ROBO2: variants seen among roughly 807,000 people sequenced by gnomAD.
ROBO2 encodes roundabout homolog 2.
A neutral mutation model predicts 160.8 loss-of-function variants in ROBO2; 53 were observed. That is an observed-to-expected ratio of 0.33 (90% CI 0.26 to 0.41). The LOEUF is 0.41. ROBO2 is among the 10% of genes least tolerant of loss of function. The pLI is 1.00. For synonymous variants in ROBO2, 664 were observed against 611.7 expected (o/e 1.09, Z -1.26); for missense variants, 1,577 against 1,722.4 (o/e 0.92, Z 1.49).
chr3:76,892,633 C>G (rs932293282), intron 2 of ROBO2, among the ~76,000 whole-genome samples: 1 of 152,150 alleles, frequency 6.6e-6, no homozygotes, highest in Non-Finnish European at 1.5e-5. Context: ...TCTTCATTTT[C>G]CCTACATATC....
intron 1 of ROBO2, among the ~76,000 whole-genome samples, chr3:75,926,586 G>A (rs997913915): frequency 3.3e-5 from 5 of 152,004 alleles, no homozygotes; most frequent in Non-Finnish European, 7.4e-5. Flanking sequence ...ATGTGCTCAG[G>A]TACACTTTCA....
chr3:76,406,376 A>G (rs1458428749), intron 2 of ROBO2, among the ~76,000 whole-genome samples: 1 of 151,882 alleles, frequency 6.6e-6, no homozygotes, highest in East Asian at 1.9e-4. Context: ...TGCCAACTCA[A>G]TTTGTAGCAA....
At chr3:76,411,160 T>C (rs997836295) in intron 2 of ROBO2, among the ~76,000 whole-genome samples, 1 of 152,070 alleles carries the variant, frequency 6.6e-6, no homozygotes. Context: ...AGAGCCAAAA[T>C]TATAAATAGC....
At chr3:77,053,401 G>A (rs531453902) in intron 1 of ROBO2, among the ~76,000 whole-genome samples, 1 of 152,030 alleles carries the variant, frequency 6.6e-6, no homozygotes, top group South Asian at 2.1e-4. Flanking sequence ...CATTCCAAAG[G>A]CTTTACTTTC....
chr3:76,328,908 T>TTATATATATATATATATATATA (rs201466987), intron 2 of ROBO2, among the ~76,000 whole-genome samples: 5 of 136,018 alleles, frequency 3.7e-5, no homozygotes, highest in African/African-American at 1.4e-4. Flanking sequence ...ATTTATGTTA[T>TTATATATATATATATATATATA]TATATATATA....
At chr3:76,154,366 A>G (rs2072322836) in intron 2 of ROBO2, among the ~76,000 whole-genome samples, 1 of 152,126 alleles carries the variant, frequency 6.6e-6, no homozygotes, top group African/African-American at 2.4e-5. Flanking sequence ...GAGTCAGTGA[A>G]AAATTCAGGG....
intron 2 of ROBO2, among the ~76,000 whole-genome samples, chr3:76,814,038 C>A (rs898052460): frequency 1.3e-5 from 2 of 152,014 alleles, no homozygotes; most frequent in African/African-American, 4.8e-5. Context: ...AAATAATATT[C>A]AATCTCATTA....
chr3:76,631,436 T>A (rs2090024418), intron 2 of ROBO2, among the ~76,000 whole-genome samples: 2 of 151,256 alleles, frequency 1.3e-5, no homozygotes, highest in East Asian at 1.9e-4. Flanking sequence ...AAAAAAAAAG[T>A]AAGTATTTTG....
intron 2 of ROBO2, among the ~76,000 whole-genome samples, chr3:76,275,112 A>G (rs1707843710): frequency 6.6e-6 from 1 of 152,140 alleles, no homozygotes; most frequent in African/African-American, 2.4e-5. Context: ...AACAACAATA[A>G]TTGCGCCGTG....
intron 1 of ROBO2, among the ~76,000 whole-genome samples, chr3:77,049,218 T>C (rs1029942982): frequency 6.6e-6 from 1 of 152,056 alleles, no homozygotes; most frequent in African/African-American, 2.4e-5. Flanking sequence ...TGGTCTCAGA[T>C]ACTTGGGAGG....
In ROBO2 at chr3:77,008,222, A is replaced by G. The variant is rs1277948868; in HGVS notation, c.110-89792A>G. Among the ~76,000 whole-genome samples, 3 of 152,132 alleles carry G rather than the reference A, an allele frequency of 2.0e-5. No homozygotes were observed. The East Asian group carries it at 5.8e-4, about 29-fold the overall frequency. The stretch of plus-strand genomic sequence containing the variant: ...TTGAAATTTAAAACAAATCAACCCC[A>G]TTCAAATTAAATTAAATGTGGTCTG... On this transcript the variant is annotated intron_variant, in intron 2 of 26. Coordinates refer to the ROBO2 transcript ENST00000487694.
intron 2 of ROBO2, among the ~76,000 whole-genome samples, chr3:76,231,373 A>G (rs978274383): frequency 1.3e-5 from 2 of 152,110 alleles, no homozygotes; most frequent in African/African-American, 4.8e-5. Flanking sequence ...TTTTATGTCC[A>G]TTCCTTCTCA....
intron 2 of ROBO2, among the ~76,000 whole-genome samples, chr3:76,701,367 T>C (rs1296504658): frequency 1.3e-5 from 2 of 152,064 alleles, no homozygotes; most frequent in Non-Finnish European, 2.9e-5. Context: ...GTTAAGTATA[T>C]AAAATATGAG....
intron 2 of ROBO2, among the ~76,000 whole-genome samples, chr3:76,265,984 C>T (rs992626624): frequency 2.0e-5 from 3 of 152,040 alleles, no homozygotes; most frequent in Non-Finnish European, 2.9e-5. Flanking sequence ...TATAATTTTA[C>T]CTTTTCAATG....
chr3:76,329,086 A>G (rs1457201356), intron 2 of ROBO2, among the ~76,000 whole-genome samples: 1 of 151,926 alleles, frequency 6.6e-6, no homozygotes, highest in African/African-American at 2.4e-5. Context: ...TCGGTGGACA[A>G]GCTGCACACT....
chr3:76,764,690 G>A (rs532982831), intron 2 of ROBO2, among the ~76,000 whole-genome samples: 1 of 151,604 alleles, frequency 6.6e-6, no homozygotes, highest in South Asian at 2.1e-4. Flanking sequence ...TTCTGTAAGG[G>A]AGAGGTCTGG....
chr3:75,986,522 T>G (rs2107482205), intron 2 of ROBO2, among the ~76,000 whole-genome samples: 1 of 151,838 alleles, frequency 6.6e-6, no homozygotes, highest in Non-Finnish European at 1.5e-5. Flanking sequence ...GATAGTATTT[T>G]TTGGCAGTTT....
rs140625013 is a variant in ROBO2 at position 77,412,959 on chromosome 3, G to A, written c.389-64455G>A. Among the ~76,000 whole-genome samples the A allele has an allele frequency of 6.6e-5, 10 of 152,270 alleles. No individual in the cohort carries two copies. In the East Asian group the frequency reaches 1.9e-3, roughly 29 times the overall value. ...GGGCTGGGCACAGTGGCTCATGCCT[G>A]TAATCCCAGCGCTTTGGGAGCCTGA... On this transcript the variant is annotated intron_variant, in intron 2 of 25. Transcript: ENST00000461745.
At chr3:76,759,336 A>G (rs2061166667) in intron 2 of ROBO2, among the ~76,000 whole-genome samples, 1 of 151,868 alleles carries the variant, frequency 6.6e-6, no homozygotes, top group African/African-American at 2.4e-5. Context: ...ATTAAATGTC[A>G]GAATTTAAAC....
Sources: gnomAD v4.1 joint callset for allele counts (sites outside exome capture counted in the v4.1 genomes callset) on GRCh38, gnomAD v4.1.1 for gene constraint, MANE v1.5 for transcripts, NCBI Gene and HGNC (gene_info 2026-07-23, HGNC 2026-07-21) for gene names.